The following CLVS1 variants were observed in gnomAD, a reference collection of about 807,000 sequenced individuals.
CLVS1 encodes the protein clavesin-1.
Under a neutral mutation model 33.1 loss-of-function variants are expected in CLVS1, and 10 were observed. The ratio of observed to expected loss-of-function variants is 0.30; its 90% CI spans 0.19 to 0.51. The LOEUF (loss-of-function observed/expected upper bound fraction) is 0.51. CLVS1 is among the 20% of genes least tolerant of loss of function. The pLI, the probability that CLVS1 is intolerant of heterozygous loss-of-function variation, is 0.97. For missense variants in CLVS1, 343 were observed against 433.4 expected, an observed-to-expected ratio of 0.79 and a Z score of 1.85; for synonymous variants, 163 against 166.1, an observed-to-expected ratio of 0.98 and a Z score of 0.14.
At chr8:61,362,507 G>A (rs183859812) in intron 2 of CLVS1, among the ~76,000 whole-genome samples, 1 of 152,206 alleles carries the variant, frequency 6.6e-6, no homozygotes, top group East Asian at 1.9e-4. Context: ...ACAGAAAGAG[G>A]TTACTACCAT....
In CLVS1 at chr8:61,458,563, GCCC is replaced by G. The variant is rs33963114; in HGVS notation, c.977+29_977+31del. The G allele has an allele frequency of 2.2e-3, 2,757 of 1,235,142 alleles. 85 individuals carry two copies. The South Asian group carries it at 0.04, about 18-fold the overall frequency. The allele number at this position is 1,235,142 out of a possible 1,614,324, so 76.5% of individuals were successfully genotyped here. ...AAAAGGTAAGGCCTGGGTTATCAGA[GCCC>G]CCCCCCCAGTCAGAGGTCAATGGAA... On this transcript the variant is annotated intron_variant, in intron 5 of 5. Transcript: ENST00000325897.
intron 2 of CLVS1, among the ~76,000 whole-genome samples, chr8:61,186,931 C>T (rs1444387877): frequency 6.6e-6 from 1 of 152,142 alleles, no homozygotes; most frequent in South Asian, 2.1e-4. Context: ...CCTCATTGCT[C>T]TGGAATGCTA....
intron 2 of CLVS1, among the ~76,000 whole-genome samples, chr8:61,345,634 GTGTA>G (rs372922975): frequency 0.022 from 3,071 of 138,338 alleles, 105 homozygotes; most frequent in African/African-American, 0.081. Flanking sequence ...GTGTGTGTGT[GTGTA>G]TGTGTGTGTG....
the CLVS1 span, among the ~76,000 whole-genome samples, chr8:61,038,712 T>A: frequency 6.6e-6 from 1 of 152,134 alleles, no homozygotes; most frequent in Non-Finnish European, 1.5e-5. Context: ...CGGTCCTCAT[T>A]GTGAACGTGC....
At chr8:61,081,628 A>G (rs1213069973) in intron 1 of CLVS1, among the ~76,000 whole-genome samples, 1 of 152,216 alleles carries the variant, frequency 6.6e-6, no homozygotes, top group Non-Finnish European at 1.5e-5. Context: ...ATGATGTTAT[A>G]AACAGAATAA....
chr8:61,336,726 A>G (rs1294855400), intron 2 of CLVS1, among the ~76,000 whole-genome samples: 1 of 152,202 alleles, frequency 6.6e-6, no homozygotes, highest in African/African-American at 2.4e-5. Flanking sequence ...AAAATAAAGA[A>G]TAGCCTAGAA....
rs115074295 is a variant in CLVS1, at chr8:61,126,705, C to T, written c.-242-5065C>T. Reference sequence around the variant, plus strand: ...GGGAAAATTTCTCTTCTTTGCACAGCTGAATCCAAGTGTTCAAACAGTGTT... The same window carrying T: ...GGGAAAATTTCTCTTCTTTGCACAGTTGAATCCAAGTGTTCAAACAGTGTT... On this transcript the variant is annotated intron_variant, in intron 1 of 2. Coordinates refer to the CLVS1 transcript ENST00000522621. Among the ~76,000 whole-genome samples, 358 of 152,332 alleles carry T rather than the reference C, an allele frequency of 2.4e-3. 1 individual carries two copies. The highest frequency in any genetic ancestry group is 4.5e-3 in the Non-Finnish European group (308 of 68,034).
chr8:61,226,531 C>T (rs557857851), intron 2 of CLVS1, among the ~76,000 whole-genome samples: 3 of 152,306 alleles, frequency 2.0e-5, no homozygotes, highest in African/African-American at 7.2e-5. Flanking sequence ...TTGTGCATAG[C>T]TGACTTTGTG....
At chr8:61,032,993 GA>G in the CLVS1 span, among the ~76,000 whole-genome samples, 469 of 47,778 alleles carry the variant, frequency 9.8e-3, no homozygotes, top group African/African-American at 0.03. Context: ...AGGAAGGAAG[GA>G]AAGAAAGAAA....
the CLVS1 span, among the ~76,000 whole-genome samples, chr8:61,023,332 T>C: frequency 6.6e-6 from 1 of 152,240 alleles, no homozygotes; most frequent in Non-Finnish European, 1.5e-5. Context: ...CAATGTGTAA[T>C]TATTCTGTCC....
At chr8:61,085,984 C>T (rs1230843108) in intron 1 of CLVS1, among the ~76,000 whole-genome samples, 1 of 125,978 alleles carries the variant, frequency 7.9e-6, no homozygotes, top group African/African-American at 3.0e-5. Flanking sequence ...TGCAGTGAGC[C>T]GAGATCACGC....
At chr8:61,090,335 T>C (rs949959288) in intron 1 of CLVS1, among the ~76,000 whole-genome samples, 2 of 152,210 alleles carry the variant, frequency 1.3e-5, no homozygotes, top group Non-Finnish European at 2.9e-5. Flanking sequence ...TTAATTATCC[T>C]GTCCACGCTG....
At chr8:60,982,224 C>T in the CLVS1 span, among the ~76,000 whole-genome samples, 1 of 152,170 alleles carries the variant, frequency 6.6e-6, no homozygotes, top group African/African-American at 2.4e-5. Context: ...AATTTCTTTG[C>T]ACTGATTGAA....
rs576576383 is a variant in CLVS1 at position 61,179,381 on chromosome 8, A to T, written c.-152+47521A>T. The stretch of plus-strand genomic sequence containing the variant: ...CCTACAGAGAGACTTAGACTCCCCC[A>T]CCATAATAGTGGGAGACTTTAACAC... On this transcript the variant is annotated intron_variant, in intron 2 of 2. Coordinates refer to the CLVS1 transcript ENST00000522621. Among the ~76,000 whole-genome samples, 3 of 152,280 alleles carry T rather than the reference A, an allele frequency of 2.0e-5. No individual in the cohort carries two copies. The East Asian group carries it at 5.8e-4, about 29-fold the overall frequency.
chr8:61,072,286 T>G (rs1019914286), intron 1 of CLVS1, among the ~76,000 whole-genome samples: 14 of 152,334 alleles, frequency 9.2e-5, no homozygotes, highest in African/African-American at 3.4e-4. Context: ...TTTGTTAATC[T>G]TATCCCCTTA....
In CLVS1 at chr8:61,500,903, A is replaced by AC. The variant is rs1804766396; in HGVS notation, c.*1365dup. The AC allele has an allele frequency of 6.6e-6, 1 of 152,126 alleles. No individual in the cohort carries two copies. The highest frequency in any genetic ancestry group is 2.1e-4 in the South Asian group (1 of 4,822). The allele number at this position is 152,126 out of a possible 1,614,324, so 9.4% of individuals were successfully genotyped here. A position where few individuals can be genotyped will look rare whatever the true frequency, so the allele number is the denominator to read the frequency against. ...AGAGATTATTCAACTGGTCATAATC[A>AC]CCCCTGATAATATTATTACTAATCT... On this transcript the variant is annotated 3_prime_UTR_variant, in exon 6 of 6. Coordinates refer to ENST00000325897, the MANE Select transcript of CLVS1 (RefSeq NM_173519.3).
At chr8:61,293,948 A>G (rs1015223985) in intron 1 of CLVS1, among the ~76,000 whole-genome samples, 3 of 152,128 alleles carry the variant, frequency 2.0e-5, no homozygotes, top group Admixed American at 2.0e-4. Flanking sequence ...ATTACTAAGA[A>G]CACCCAGAAG....
chr8:61,165,777 C>T (rs566115139), intron 2 of CLVS1, among the ~76,000 whole-genome samples: 9 of 152,338 alleles, frequency 5.9e-5, no homozygotes, highest in African/African-American at 4.8e-5. Flanking sequence ...GGCTGTGTCA[C>T]GGGCCATGGT....
chr8:61,027,715 T>C, the CLVS1 span, among the ~76,000 whole-genome samples: 3 of 152,152 alleles, frequency 2.0e-5, no homozygotes, highest in South Asian at 6.2e-4. Flanking sequence ...ATCAGAGAAC[T>C]GATGGGCTGT....
Sources: allele counts gnomAD v4.1 joint callset (sites outside exome capture counted in the v4.1 genomes callset), GRCh38; gene constraint gnomAD v4.1.1; transcripts MANE v1.5; gene names NCBI Gene and HGNC (gene_info 2026-07-23, HGNC 2026-07-21).